Variants in ZCCHC10 observed in about 807,000 individuals in gnomAD.
The protein encoded by ZCCHC10 is zinc finger CCHC domain-containing protein 10.
In ZCCHC10, 16 loss-of-function variants were observed where a neutral mutation model predicts 19.5. That is an observed-to-expected ratio of 0.82 (90% CI 0.56 to 1.25). The LOEUF (loss-of-function observed/expected upper bound fraction) is 1.25. Ranked by LOEUF, ZCCHC10 falls within the 50% of genes most tolerant of loss-of-function variation. The probability of loss-of-function intolerance (pLI) is 0.00; values close to 1 mark genes in which losing one functional copy is unlikely to be tolerated. For synonymous variants in ZCCHC10, 67 were observed against 72.5 expected (o/e 0.92, Z 0.38); for missense variants, 197 against 201.0 (o/e 0.98, Z 0.12).
In ZCCHC10 at chr5:132,997,454, C is replaced by A. The variant is rs978751106; in HGVS notation, c.*1129G>T. On this transcript the variant is annotated 3_prime_UTR_variant, in exon 5 of 5. Coordinates refer to ENST00000509437, the MANE Select transcript of ZCCHC10 (RefSeq NM_001300816.3). The stretch of plus-strand genomic sequence containing the variant: ...CATCACAGAATACTGTGATGTTAAA[C>A]CAAAGACTCATCACAATAACAGCAT... The A allele has an allele frequency of 2.0e-5, 3 of 152,056 alleles. No individual in the cohort carries two copies. Among genetic ancestry groups the A allele is most frequent in the Admixed American group, 6.6e-5 (1 of 15,246 alleles). The allele number at this position is 152,056 out of a possible 1,614,324, so 9.4% of individuals were successfully genotyped here.
chr5:133,000,211 G>A (rs775947356), intron 3 of ZCCHC10, 38 bp from the exon 4 acceptor site: 164 of 1,612,220 alleles, frequency 1.0e-4, no homozygotes, highest in Non-Finnish European at 1.3e-4. Context: ...CCTGTTAATA[G>A]AGTGATTATA....
At chr5:133,018,986 G>T in intron 2 of ZCCHC10, 1 of 412,786 alleles carries the variant, frequency 2.4e-6, no homozygotes, top group Admixed American at 3.0e-5. Flanking sequence ...TCTCCATATT[G>T]AGAAACTGGT....
intron 2 of ZCCHC10, among the ~76,000 whole-genome samples, chr5:133,018,225 C>A (rs1358406486): frequency 6.6e-6 from 1 of 151,308 alleles, no homozygotes; most frequent in Non-Finnish European, 1.5e-5. Context: ...TTGGTTCACA[C>A]CTGCAATCCC....
rs1762578989 is a variant in ZCCHC10 at position 132,998,734 on chromosome 5, T to G, written c.428A>C (p.Glu143Ala). Residue 143 changes from glutamate to alanine, a missense_variant, in exon 5 of 5, where the codon GAA (glutamate) becomes GCA (alanine). Coordinates refer to ENST00000509437, the MANE Select transcript of ZCCHC10 (RefSeq NM_001300816.3). ...TGAGGATGAGGAACTAGAGGAGCTT[T>G]CATCAGTGTCACTGTCCTCTGAGGA... ...SSSSEDSDTDESSSSSSSSAS... is the reference protein window; with the variant it reads ...SSSSEDSDTDASSSSSSSSAS... The G allele has an allele frequency of 6.2e-7, 1 of 1,614,006 alleles. No individual in the cohort carries two copies. Among genetic ancestry groups the G allele is most frequent in the African/African-American group, 1.3e-5 (1 of 74,908 alleles).
chr5:132,997,724 C>T lies in ZCCHC10; in HGVS notation c.*859G>A, dbSNP rs1487506546. The T allele has an allele frequency of 6.6e-6, 1 of 152,146 alleles. No homozygotes were observed. The highest frequency in any genetic ancestry group is 1.5e-5 in the Non-Finnish European group (1 of 68,008). The allele number at this position is 152,146 out of a possible 1,614,324, so 9.4% of individuals were successfully genotyped here. On this transcript the variant is annotated 3_prime_UTR_variant, in exon 5 of 5. Coordinates refer to ENST00000509437, the MANE Select transcript of ZCCHC10 (RefSeq NM_001300816.3). ...AGGCGACCAACATTGCCCTAATTTTCAGTAAAAATTACCTCTTCTTCCTAC... is the reference window on the plus strand; with the variant it reads ...AGGCGACCAACATTGCCCTAATTTTTAGTAAAAATTACCTCTTCTTCCTAC...
At chr5:133,003,568 C>T (rs1762911376) in intron 3 of ZCCHC10, among the ~76,000 whole-genome samples, 1 of 152,230 alleles carries the variant, frequency 6.6e-6, no homozygotes, top group Admixed American at 6.6e-5. Context: ...GTTGCCTAGG[C>T]TGTTCTTAGA....
intron 2 of ZCCHC10, among the ~76,000 whole-genome samples, chr5:133,014,900 C>G: frequency 6.6e-6 from 1 of 152,202 alleles, no homozygotes; most frequent in East Asian, 1.9e-4. Context: ...ATCTTAGAGG[C>G]TGGCTATCAC....
At chr5:133,015,778 G>A (rs1763881408) in intron 2 of ZCCHC10, among the ~76,000 whole-genome samples, 1 of 152,140 alleles carries the variant, frequency 6.6e-6, no homozygotes, top group African/African-American at 2.4e-5. Flanking sequence ...CTGACCCAGG[G>A]AAACTGTGAA....
In ZCCHC10 at chr5:132,997,877, G is replaced by C. The variant is rs1762524783; in HGVS notation, c.*706C>G. ...CTGATACACTGACTTTTAACAGAAG[G>C]CACCAAGATTAGACTCCTAAGAAGT... On this transcript the variant is annotated 3_prime_UTR_variant, in exon 5 of 5. Transcript: ENST00000509437. The C allele has an allele frequency of 6.6e-6, 1 of 152,032 alleles. No homozygotes were observed. The highest frequency in any genetic ancestry group is 2.4e-5 in the African/African-American group (1 of 41,414). 9.4% of individuals were successfully genotyped at this position (152,032 alleles called of 1,614,324 possible).
chr5:133,000,484 G>T (rs867745933), intron 3 of ZCCHC10, among the ~76,000 whole-genome samples: 7 of 152,098 alleles, frequency 4.6e-5, no homozygotes, highest in Admixed American at 1.3e-4. Context: ...TGATATAGCT[G>T]TATCACTACC....
chr5:133,018,711 G>A (rs116115985), intron 2 of ZCCHC10, among the ~76,000 whole-genome samples: 28 of 152,224 alleles, frequency 1.8e-4, no homozygotes, highest in Non-Finnish European at 2.8e-4. Context: ...TCCAGCCTGC[G>A]CTGCATTTTT....
Position 133,000,127 on chromosome 5 carries a change from C to G in ZCCHC10, c.311+5G>C. The stretch of plus-strand genomic sequence containing the variant: ...TCTATAAAACACTGCTAAAACCACA[C>G]ATACCTTTTTTTCTTGGCCTTTCTT... On this transcript the variant is annotated splice_donor_5th_base_variant and intron_variant, in intron 4 of 4. Transcript: ENST00000509437. 1 of 1,613,764 alleles carries G rather than the reference C, an allele frequency of 6.2e-7. No individual in the cohort carries two copies. The highest frequency in any genetic ancestry group is 8.5e-7 in the Non-Finnish European group (1 of 1,179,898).
chr5:133,022,800 AT>A (rs1764407334), intron 2 of ZCCHC10, 40 bp downstream of exon 2: 2 of 512,596 alleles, frequency 3.9e-6, no homozygotes, highest in South Asian at 2.9e-5. Context: ...AAATGTACAT[AT>A]TTATCAAACC....
chr5:133,019,543 G>A (rs1561554628), intron 2 of ZCCHC10, among the ~76,000 whole-genome samples: 1 of 152,130 alleles, frequency 6.6e-6, no homozygotes, highest in African/African-American at 2.4e-5. Context: ...TTTTTTTAAT[G>A]CCTATTGTTG....
chr5:133,026,353 C>G (rs1764710968), intron 1 of ZCCHC10, 144 bp downstream of exon 1: 2 of 1,208,836 alleles, frequency 1.7e-6, no homozygotes, highest in African/African-American at 1.5e-5. Flanking sequence ...ACTTATCGCC[C>G]GGGCCCGAGC....
At chr5:133,005,809 G>C (rs1763082248) in intron 3 of ZCCHC10, among the ~76,000 whole-genome samples, 1 of 152,110 alleles carries the variant, frequency 6.6e-6, no homozygotes, top group East Asian at 1.9e-4. Context: ...GTTCTCATCA[G>C]ATTTGTTTTA....
At chr5:133,005,141 T>A (rs527387169) in intron 3 of ZCCHC10, among the ~76,000 whole-genome samples, 9 of 150,564 alleles carry the variant, frequency 6.0e-5, no homozygotes, top group African/African-American at 2.2e-4. Flanking sequence ...CTACTAAAAA[T>A]ACAAAAAATT....
intron 1 of ZCCHC10, among the ~76,000 whole-genome samples, 172 bp from the exon 2 acceptor site, chr5:133,023,078 G>C (rs1013636369): frequency 3.3e-5 from 5 of 152,118 alleles, no homozygotes; most frequent in South Asian, 2.1e-4. Context: ...AAGAAATGGG[G>C]TTTAACTTTA....
At position 133,000,154 on chromosome 5, in the gene ZCCHC10, C is replaced by T. The variant is rs374398942; in HGVS notation, c.289G>A (p.Glu97Lys). The T allele has an allele frequency of 3.7e-6, 6 of 1,613,738 alleles. No homozygotes were observed. The African/African-American group carries it at 8.0e-5, about 22-fold the overall frequency. The change falls in exon 4 of 5, where the codon GAA (glutamate) becomes AAA (lysine). Residue 97 changes from glutamate (E) to lysine (K), a missense_variant. By Grantham distance (56) the Glu-to-Lys change is moderately conservative. Coordinates refer to ENST00000509437, the MANE Select transcript of ZCCHC10 (RefSeq NM_001300816.3). ...LQQSIGETNV[E>K]RKAKKKRSKS... ...TACCTTTTTTTCTTGGCCTTTCTTTCTACATTGGTTTCTCCAATGCTGATA... is the reference window on the plus strand; with the variant it reads ...TACCTTTTTTTCTTGGCCTTTCTTTTTACATTGGTTTCTCCAATGCTGATA...
Sources: allele counts gnomAD v4.1 joint callset (sites outside exome capture counted in the v4.1 genomes callset), GRCh38; gene constraint gnomAD v4.1.1; transcripts MANE v1.5; gene names NCBI Gene and HGNC (gene_info 2026-07-23, HGNC 2026-07-21).